The following PLCH2 variants were observed in gnomAD, a reference collection of about 807,000 sequenced individuals.
The protein encoded by PLCH2 is 1-phosphatidylinositol 4,5-bisphosphate phosphodiesterase eta-2.
A neutral mutation model predicts 134.7 loss-of-function variants in PLCH2; 98 were observed. The observed-to-expected ratio is 0.73, with a 90% CI of 0.62 to 0.86. PLCH2 has a LOEUF of 0.86. PLCH2 is among the 40% of genes least tolerant of loss of function. PLCH2 has a pLI of 0.00. For synonymous variants in PLCH2, 974 were observed against 827.5 expected, an observed-to-expected ratio of 1.18 and a Z score of -3.04; for missense variants, 1,994 against 1,986.6, an observed-to-expected ratio of 1.00 and a Z score of -0.07.
At chr1:2,436,261 T>TTCCTC (rs1255364962) in intron 2 of PLCH2, among the ~76,000 whole-genome samples, 29 of 65,260 alleles carry the variant, frequency 4.4e-4, no homozygotes, top group African/African-American at 1.9e-3. Flanking sequence ...CCCTCCTCCC[T>TTCCTC]CCTCCTCCTT....
At chr1:2,446,349 T>G (rs1206571987) in intron 2 of PLCH2, among the ~76,000 whole-genome samples, 1 of 152,164 alleles carries the variant, frequency 6.6e-6, no homozygotes, top group Non-Finnish European at 1.5e-5. Context: ...CAGCCCTGCC[T>G]GCGATTTGGG....
chr1:2,496,595 C>T lies in PLCH2; in HGVS notation c.1836-12C>T, dbSNP rs775434742. 78 of 1,603,476 alleles carry T rather than the reference C, an allele frequency of 4.9e-5. No homozygotes were observed. Among genetic ancestry groups the T allele is most frequent in the Non-Finnish European group, 6.3e-5 (74 of 1,175,660 alleles). Reference sequence around the variant, plus strand: ...GGACGGGAGGGGTTCTGACCCCCTGCACCTGCCACAGGGCGACCCGGCAGA... The same window carrying T: ...GGACGGGAGGGGTTCTGACCCCCTGTACCTGCCACAGGGCGACCCGGCAGA... On this transcript the variant is annotated splice_polypyrimidine_tract_variant and intron_variant, in intron 13 of 21. Coordinates refer to ENST00000378486, the MANE Select transcript of PLCH2 (RefSeq NM_014638.4).
chr1:2,497,409 G>A (rs1642955998), intron 15 of PLCH2, 93 bp from the exon 16 acceptor site: 8 of 835,198 alleles, frequency 9.6e-6, no homozygotes, highest in Non-Finnish European at 1.6e-5. Flanking sequence ...CGCGGCAGCT[G>A]TGCAGGGGAG....
chr1:2,457,927 C>T lies in PLCH2; in HGVS notation c.116-20549C>T, dbSNP rs577514531. Among the ~76,000 whole-genome samples, 5 of 151,742 alleles carry T rather than the reference C, an allele frequency of 3.3e-5. No individual in the cohort carries two copies. The East Asian group carries it at 7.7e-4, about 24-fold the overall frequency. On this transcript the variant is annotated intron_variant, in intron 2 of 3. Coordinates refer to the PLCH2 transcript ENST00000609981. The stretch of plus-strand genomic sequence containing the variant: ...TGCCAGCATAGCACTGATGGCCACC[C>T]GGCCCATGCTGTCCACCGGGCGGGT...
chr1:2,502,946 G>A (rs1179467821), intron 21 of PLCH2: 10 of 717,052 alleles, frequency 1.4e-5, no homozygotes, highest in South Asian at 3.0e-5. Context: ...CCTCCCGCAC[G>A]CCCCTGGCAT....
the PLCH2 span, among the ~76,000 whole-genome samples, chr1:2,420,836 G>A: frequency 6.6e-6 from 1 of 152,222 alleles, no homozygotes; most frequent in Non-Finnish European, 1.5e-5. Context: ...CTCCTTCTGA[G>A]GAGCGTTGAG....
intron 13 of PLCH2, among the ~76,000 whole-genome samples, chr1:2,496,061 C>A (rs969955695): frequency 1.3e-5 from 2 of 152,134 alleles, no homozygotes; most frequent in Non-Finnish European, 2.9e-5. Context: ...TGGGCTCCCC[C>A]CGTGCCGCCC....
chr1:2,434,698 G>T (rs565659345), intron 2 of PLCH2, among the ~76,000 whole-genome samples: 25 of 152,336 alleles, frequency 1.6e-4, no homozygotes, highest in Non-Finnish European at 2.9e-4. Flanking sequence ...GCCCCAGGCT[G>T]CCCGGGCTGC....
chr1:2,496,954 G>C lies in PLCH2; in HGVS notation c.2060G>C (p.Arg687Pro). Residue 687 changes from arginine to proline, a missense_variant, in exon 15 of 22, where the codon CGT becomes CCT. Around this residue, in one of 2 missense-constraint regions of PLCH2, gnomAD observed 1,094 missense variants for 1,234.3 expected, o/e 0.89. Transcript: ENST00000378486. Reference sequence around the variant, plus strand: ...TCCCGCATCTACCCCTCCTCCTACCGTGTGGACTCCAGCAACTACAACCCG... The same window carrying C: ...TCCCGCATCTACCCCTCCTCCTACCCTGTGGACTCCAGCAACTACAACCCG... ...QLSRIYPSSY[R>P]VDSSNYNPQP... The C allele has an allele frequency of 3.1e-6, 5 of 1,613,324 alleles. No individual in the cohort carries two copies. Among genetic ancestry groups the C allele is most frequent in the South Asian group, 1.1e-5 (1 of 91,086 alleles).
rs1434272464 is a variant in PLCH2 at position 2,498,019 on chromosome 1, T to G, written c.2224+410T>G. ...GGCTCTCAGACACCTCTGTTTTGTC[T>G]GCTGTGGATGACTTCCAGCTTGGTC... On this transcript the variant is annotated intron_variant, in intron 16 of 21. Coordinates refer to ENST00000378486, the MANE Select transcript of PLCH2 (RefSeq NM_014638.4). The surrounding 1 kb of genome is among the most constrained non-coding windows in gnomAD (Gnocchi z 5.4). 1 of 238,170 alleles carries G rather than the reference T, an allele frequency of 4.2e-6. No homozygotes were observed. Among genetic ancestry groups the G allele is most frequent in the Non-Finnish European group, 8.2e-6 (1 of 122,044 alleles). 14.8% of individuals were successfully genotyped at this position (238,170 alleles called of 1,614,324 possible).
At chr1:2,495,432 C>A (rs1378012790) in intron 12 of PLCH2, 56 bp from the exon 13 acceptor site, 2 of 1,487,764 alleles carry the variant, frequency 1.3e-6, no homozygotes, top group Non-Finnish European at 1.8e-6. Flanking sequence ...CCAGCCTTCG[C>A]CAAGGCCTGG....
chr1:2,477,631 C>G (rs1641705470), intron 1 of PLCH2, among the ~76,000 whole-genome samples: 1 of 152,170 alleles, frequency 6.6e-6, no homozygotes, highest in African/African-American at 2.4e-5. Context: ...ACTCCCTGGA[C>G]CCTGCAGCCC....
At chr1:2,472,003 G>A (rs1641347598), upstream of PLCH2, among the ~76,000 whole-genome samples, 2 of 152,154 alleles carry the variant, frequency 1.3e-5, no homozygotes, top group South Asian at 4.1e-4. Flanking sequence ...TGCCTAGGGT[G>A]GCCCCAGCCC....
At chr1:2,477,716 G>C (rs1557993972) in intron 1 of PLCH2, among the ~76,000 whole-genome samples, 2 of 152,182 alleles carry the variant, frequency 1.3e-5, no homozygotes, top group Non-Finnish European at 2.9e-5. Flanking sequence ...CAGGCAGCCT[G>C]GGGGAGGGGA....
upstream of PLCH2, among the ~76,000 whole-genome samples, chr1:2,466,793 G>A (rs567472512): frequency 8.5e-5 from 13 of 152,344 alleles, no homozygotes; most frequent in South Asian, 1.2e-3. Context: ...ATGCTGGCTC[G>A]GAGAGGGAGA....
intron 2 of PLCH2, among the ~76,000 whole-genome samples, chr1:2,461,268 A>G (rs72644631): frequency 0.019 from 2,959 of 152,286 alleles, 56 homozygotes; most frequent in Non-Finnish European, 0.032. Flanking sequence ...CTGCTCCCTC[A>G]GCGTCCAGTG....
At chr1:2,494,770 C>T (rs1378111514) in intron 11 of PLCH2, 86 bp from the exon 12 acceptor site, 1 of 973,680 alleles carries the variant, frequency 1.0e-6, no homozygotes, top group South Asian at 1.4e-5. Context: ...CCAGGAAGGC[C>T]TTCTGGGACC....
At chr1:2,499,325 G>A in intron 19 of PLCH2, 95 bp downstream of exon 19, 1 of 1,403,054 alleles carries the variant, frequency 7.1e-7, no homozygotes, top group East Asian at 2.4e-5. Context: ...CTGTGTAGGT[G>A]GGCCTGCACC....
chr1:2,417,609 C>A, the PLCH2 span, among the ~76,000 whole-genome samples: 1 of 152,166 alleles, frequency 6.6e-6, no homozygotes, highest in Admixed American at 6.6e-5. Context: ...TGTGGAGAGT[C>A]CGGCCCTGTC....
Sources: allele counts gnomAD v4.1 joint callset (sites outside exome capture counted in the v4.1 genomes callset), GRCh38; gene constraint gnomAD v4.1.1; regional missense constraint gnomAD v4.1.1; non-coding constraint Gnocchi (gnomAD v3.1); transcripts MANE v1.5; gene names NCBI Gene and HGNC (gene_info 2026-07-23, HGNC 2026-07-21).